The following HTR4 variants were observed in gnomAD, a reference collection of about 807,000 sequenced individuals.
The protein encoded by HTR4 is 5-hydroxytryptamine receptor 4.
HTR4 carries 16 observed loss-of-function variants against 36.8 expected under a neutral mutation model. That is an observed-to-expected ratio of 0.43 (90% CI 0.29 to 0.66). The LOEUF (loss-of-function observed/expected upper bound fraction) is 0.66. Ranked by LOEUF, HTR4 falls within the 30% of genes least tolerant of loss-of-function variation. HTR4 has a pLI of 0.13. For missense variants in HTR4, 438 were observed against 490.9 expected, an observed-to-expected ratio of 0.89 and a Z score of 1.02; for synonymous variants, 189 against 185.1, an observed-to-expected ratio of 1.02 and a Z score of -0.17.
intron 5 of HTR4, among the ~76,000 whole-genome samples, chr5:148,457,814 ATATATCATTAAAATATATATTTTGT>A (rs1366027198): frequency 7.7e-5 from 7 of 90,900 alleles, no homozygotes; most frequent in South Asian, 3.2e-4. Flanking sequence ...ATATATTTTG[ATATATCATTAAAATATATATTTTGT>A]TATATCATTA....
At chr5:148,597,449 A>C (rs2127264862) in intron 2 of HTR4, among the ~76,000 whole-genome samples, 1 of 152,320 alleles carries the variant, frequency 6.6e-6, no homozygotes, top group East Asian at 1.9e-4. Flanking sequence ...CTTGGGATTA[A>C]GAACAAAGCC....
intron 2 of HTR4, among the ~76,000 whole-genome samples, chr5:148,609,882 C>T (rs1389503503): frequency 6.6e-6 from 1 of 152,094 alleles, no homozygotes; most frequent in Non-Finnish European, 1.5e-5. Flanking sequence ...CCACTGTGCC[C>T]AGCTGGTATT....
In HTR4 at chr5:148,458,789, C is replaced by T. The variant is rs1295048591; in HGVS notation, c.1077-7517G>A. On this transcript the variant is annotated intron_variant, in intron 5 of 5. Transcript: ENST00000521530. The stretch of plus-strand genomic sequence containing the variant: ...GACCCACCACACTAAGGACTGTTGT[C>T]CTCGTCCTAAAAGCAATAGGATGGC... Among the ~76,000 whole-genome samples, 5 of 152,124 alleles carry T rather than the reference C, an allele frequency of 3.3e-5. 1 individual carries two copies. The highest frequency in any genetic ancestry group is 7.2e-5 in the African/African-American group (3 of 41,410).
chr5:148,572,210 A>G (rs1760705189), intron 2 of HTR4, among the ~76,000 whole-genome samples: 2 of 152,066 alleles, frequency 1.3e-5, no homozygotes, highest in African/African-American at 4.8e-5. Context: ...GGAATAAAGA[A>G]CAGTTATTCT....
chr5:148,536,704 A>G (rs1182644414), intron 4 of HTR4, among the ~76,000 whole-genome samples: 1 of 152,190 alleles, frequency 6.6e-6, no homozygotes, highest in Admixed American at 6.5e-5. Context: ...CTAAATATAT[A>G]TGCACTCAAC....
At chr5:148,581,291 A>G (rs890965004) in intron 2 of HTR4, among the ~76,000 whole-genome samples, 1 of 151,922 alleles carries the variant, frequency 6.6e-6, no homozygotes, top group Non-Finnish European at 1.5e-5. Context: ...CTCTCATTTC[A>G]TAGGTCGCCT....
At chr5:148,520,547 T>A (rs1757962012) in intron 5 of HTR4, among the ~76,000 whole-genome samples, 1 of 152,080 alleles carries the variant, frequency 6.6e-6, no homozygotes, top group African/African-American at 2.4e-5. Context: ...TCAGATACAG[T>A]CCCCACTACT....
chr5:148,492,611 T>A (rs1236086276), intron 6 of HTR4, among the ~76,000 whole-genome samples: 1 of 152,230 alleles, frequency 6.6e-6, no homozygotes, highest in Non-Finnish European at 1.5e-5. Context: ...ATACTTATGA[T>A]AACAATGTAG....
At chr5:148,577,579 A>G (rs1056010590) in intron 2 of HTR4, among the ~76,000 whole-genome samples, 1 of 152,172 alleles carries the variant, frequency 6.6e-6, no homozygotes, top group Non-Finnish European at 1.5e-5. Flanking sequence ...AATGCCCATC[A>G]ATGACAGACT....
intron 4 of HTR4, among the ~76,000 whole-genome samples, chr5:148,534,514 C>T (rs372891263): frequency 1.6e-4 from 25 of 152,174 alleles, no homozygotes; most frequent in South Asian, 2.1e-4. Flanking sequence ...CAGGACCTCC[C>T]GGGACAGAGA....
intron 2 of HTR4, among the ~76,000 whole-genome samples, chr5:148,564,162 C>T (rs73797915): frequency 1.2e-3 from 182 of 152,314 alleles, no homozygotes; most frequent in African/African-American, 4.0e-3. Flanking sequence ...AGCTTTATTT[C>T]TGACACTGTT....
chr5:148,451,034 A>G, exon 6 of HTR4: 2 of 1,352,558 alleles, frequency 1.5e-6, no homozygotes. Context: ...GCTACCCCCC[A>G]ACACTGTCCT....
chr5:148,647,272 A>C, intron 1 of HTR4, among the ~76,000 whole-genome samples: 1 of 152,274 alleles, frequency 6.6e-6, no homozygotes, highest in East Asian at 1.9e-4. Flanking sequence ...AATGTTGAGA[A>C]GGAAGAAAGA....
At chr5:148,480,113 A>G (rs1351225753), downstream of HTR4, among the ~76,000 whole-genome samples, 1 of 152,216 alleles carries the variant, frequency 6.6e-6, no homozygotes, top group Non-Finnish European at 1.5e-5. Context: ...TGATGGTCCA[A>G]GTATTTTCTT....
At chr5:148,587,172 T>G (rs1761379535) in intron 2 of HTR4, among the ~76,000 whole-genome samples, 1 of 152,190 alleles carries the variant, frequency 6.6e-6, no homozygotes, top group Admixed American at 6.5e-5. Flanking sequence ...TATCAATAGA[T>G]TACATTTGAC....
chr5:148,468,203 G>A (rs1288578722), intron 5 of HTR4, among the ~76,000 whole-genome samples: 1 of 152,148 alleles, frequency 6.6e-6, no homozygotes, highest in Non-Finnish European at 1.5e-5. Context: ...GCAGGTGTTA[G>A]GAAAACTCAA....
intron 2 of HTR4, among the ~76,000 whole-genome samples, chr5:148,592,778 C>A (rs1333469612): frequency 6.6e-6 from 1 of 151,746 alleles, no homozygotes; most frequent in African/African-American, 2.4e-5. Flanking sequence ...ATTTATTTTC[C>A]TCTGTGCCCT....
At chr5:148,611,019 G>A (rs578149550) in intron 2 of HTR4, among the ~76,000 whole-genome samples, 28 of 149,676 alleles carry the variant, frequency 1.9e-4, no homozygotes, top group Admixed American at 1.5e-3. Context: ...AAGAAATATG[G>A]GACTATGTGA....
intron 5 of HTR4, among the ~76,000 whole-genome samples, chr5:148,452,215 C>A (rs770816318): frequency 6.6e-6 from 1 of 152,122 alleles, no homozygotes; most frequent in East Asian, 1.9e-4. Flanking sequence ...CCCATAATTG[C>A]CTATTAGATA....
Sources: gnomAD v4.1 joint callset for allele counts (sites outside exome capture counted in the v4.1 genomes callset) on GRCh38, gnomAD v4.1.1 for gene constraint, MANE v1.5 for transcripts, NCBI Gene and HGNC (gene_info 2026-07-23, HGNC 2026-07-21) for gene names.